Variants in DYNC2H1 observed in about 807,000 individuals in gnomAD.
DYNC2H1 encodes dynein cytoplasmic 2 heavy chain 1, also known as cytoplasmic dynein 2 heavy chain 1.
Under a neutral mutation model 570.0 loss-of-function variants are expected in DYNC2H1, and 410 were observed. The observed-to-expected ratio is 0.72, with a 90% CI of 0.66 to 0.78. The LOEUF is 0.78. Among genes scored for constraint, DYNC2H1 ranks in the 30% least tolerant of loss-of-function variants. DYNC2H1 has a pLI of 0.00. For missense variants in DYNC2H1, 4,865 were observed against 5,046.4 expected (o/e 0.96, Z 1.09); for synonymous variants, 1,688 against 1,677.6 (o/e 1.01, Z -0.15).
At chr11:103,368,505 G>A (rs1565533232) in intron 83 of DYNC2H1, among the ~76,000 whole-genome samples, 1 of 151,826 alleles carries the variant, frequency 6.6e-6, no homozygotes, top group Non-Finnish European at 1.5e-5. Flanking sequence ...CTAATTAGAT[G>A]TATTGTTTGC....
chr11:103,192,200 T>C lies in DYNC2H1; in HGVS notation c.7644T>C (p.Phe2548=). The change falls in exon 47 of 89, where the codon TTT becomes TTC. Residue 2548 remains phenylalanine (F), a synonymous_variant. Coordinates refer to ENST00000375735, the MANE Select transcript of DYNC2H1 (RefSeq NM_001377.3). ...TTGGTGCAAAGGAACTTCATTTATT[T>C]GACATCATTTTAACATCAGTGTTTC... is the stretch of plus-strand genomic sequence containing the variant. ...KIVGAKELHL[F]DIILTSVFQG... 1 of 1,589,798 alleles carries C rather than the reference T, an allele frequency of 6.3e-7. No individual in the cohort carries two copies. Among genetic ancestry groups the C allele is most frequent in the Non-Finnish European group, 8.6e-7 (1 of 1,165,142 alleles).
At chr11:103,376,286 C>G (rs1325303445) in intron 83 of DYNC2H1, among the ~76,000 whole-genome samples, 1 of 152,162 alleles carries the variant, frequency 6.6e-6, no homozygotes, top group Non-Finnish European at 1.5e-5. Flanking sequence ...TGAGAACAGA[C>G]TAATACAGAG....
Position 103,181,980 on chromosome 11 carries a change from GA to G in DYNC2H1, c.6477+96del, listed in dbSNP as rs555273878. On this transcript the variant is annotated intron_variant, in intron 40 of 88. Transcript: ENST00000375735. The surrounding 1 kb of genome is among the most constrained non-coding windows in gnomAD (Gnocchi z 5.0). ...ACTTCCTTGTGGTAGAACTCTGCTG[GA>G]ATGTGGGTGTGAGGTGAGAGGTGGA... is the stretch of plus-strand genomic sequence containing the variant. 136 of 1,387,398 alleles carry G rather than the reference GA, an allele frequency of 9.8e-5. 1 individual carries two copies. In the East Asian group the frequency reaches 3.1e-3, roughly 31 times the overall value. The allele number at this position is 1,387,398 out of a possible 1,614,324, so 85.9% of individuals were successfully genotyped here. A position where few individuals can be genotyped will look rare whatever the true frequency, so the allele number is the denominator to read the frequency against.
At chr11:103,134,256 C>G in intron 14 of DYNC2H1, 65 bp from the exon 15 acceptor site, 7 of 1,426,108 alleles carry the variant, frequency 4.9e-6, no homozygotes, top group Non-Finnish European at 6.9e-6. Flanking sequence ...TGTCAGGTTT[C>G]TCCACTGAAA....
At chr11:103,114,511 G>T (rs1858276694) in intron 3 of DYNC2H1, among the ~76,000 whole-genome samples, 1 of 152,136 alleles carries the variant, frequency 6.6e-6, no homozygotes, top group Non-Finnish European at 1.5e-5. Flanking sequence ...GTAGAGATGG[G>T]GTCTTGCTGT....
At chr11:103,240,925 T>G (rs1303207048) in intron 63 of DYNC2H1, among the ~76,000 whole-genome samples, 3 of 152,138 alleles carry the variant, frequency 2.0e-5, no homozygotes, top group African/African-American at 7.2e-5. Flanking sequence ...ATGCATCACC[T>G]TTTCCCATAT....
rs369188420 is a variant in DYNC2H1, at chr11:103,156,780, A to G, written c.4127+10A>G. 6.1e-5 allele frequency: 98 copies of G among 1,596,550 alleles called. No homozygotes were observed. Among genetic ancestry groups the G allele is most frequent in the Non-Finnish European group, 7.7e-5 (90 of 1,176,280 alleles). ...TTGATGAAGATTTTAGGTCAGTACA[A>G]TGATGTAAGACATAGACACATATGG... On this transcript the variant is annotated intron_variant, in intron 26 of 88. Coordinates refer to ENST00000375735, the MANE Select transcript of DYNC2H1 (RefSeq NM_001377.3).
chr11:103,388,911 TTTA>T (rs1166222270), intron 83 of DYNC2H1, among the ~76,000 whole-genome samples: 1 of 152,202 alleles, frequency 6.6e-6, no homozygotes, highest in African/African-American at 2.4e-5. Context: ...TTGCCAGTAT[TTTA>T]TTGAGGATTT....
chr11:103,353,126 A>G (rs929747915), intron 82 of DYNC2H1, among the ~76,000 whole-genome samples: 2 of 152,188 alleles, frequency 1.3e-5, no homozygotes, highest in Admixed American at 6.5e-5. Context: ...GGAGAGGAAC[A>G]ACACACACAG....
At chr11:103,233,121 A>G (rs1195064483) in intron 60 of DYNC2H1, among the ~76,000 whole-genome samples, 1 of 152,046 alleles carries the variant, frequency 6.6e-6, no homozygotes, top group Non-Finnish European at 1.5e-5. Flanking sequence ...ACAATGAAAT[A>G]TACTGTAAAG....
At chr11:103,349,959 G>A (rs1207179575) in intron 82 of DYNC2H1, among the ~76,000 whole-genome samples, 1 of 151,994 alleles carries the variant, frequency 6.6e-6, no homozygotes, top group East Asian at 1.9e-4. Context: ...CCTTTATCCT[G>A]CATATGTTAA....
intron 13 of DYNC2H1, among the ~76,000 whole-genome samples, chr11:103,132,822 G>T (rs972753951): frequency 5.3e-5 from 8 of 151,840 alleles, no homozygotes; most frequent in Admixed American, 2.6e-4. Flanking sequence ...GAGGCACCTT[G>T]TTGCCTCCAA....
At chr11:103,424,695 A>C (rs1260089298) in intron 84 of DYNC2H1, among the ~76,000 whole-genome samples, 2 of 122,812 alleles carry the variant, frequency 1.6e-5, no homozygotes, top group African/African-American at 3.6e-5. Context: ...ATGTTTAAAA[A>C]CTGGCTCTCC....
rs893018888 is a variant in DYNC2H1 at position 103,235,225 on chromosome 11, C to G, written c.9568-447C>G. On this transcript the variant is annotated intron_variant, in intron 61 of 88. Transcript: ENST00000375735. ...TTTCACAATCTGCCTTTAATTAGCT[C>G]TATCTCTCTTCTTTCCTTTAATATA... 3.3e-5 allele frequency among the ~76,000 whole-genome samples: 5 copies of G among 151,998 alleles called. No homozygotes were observed. The South Asian group carries it at 1.0e-3, about 32-fold the overall frequency.
At chr11:103,232,327 C>CT (rs957601264) in intron 60 of DYNC2H1, among the ~76,000 whole-genome samples, 6 of 151,780 alleles carry the variant, frequency 4.0e-5, no homozygotes, top group South Asian at 2.1e-4. Context: ...ATTATATAGT[C>CT]TTTTTTGTCT....
chr11:103,256,216 C>G lies in DYNC2H1; in HGVS notation c.10437C>G (p.Tyr3479Ter). ...TTCAAGAGTCACTTAAAGAATCTTA[C>G]AAACTCCAAATTTCCCTTGATCAAG... ...ALIQESLKESYKLQISLDQER... is the reference protein window; with the variant it reads ...ALIQESLKES Residue 3479 changes from tyrosine to a stop codon, truncating the protein, a stop_gained, in exon 68 of 89, where the codon TAC becomes TAG. Coordinates refer to ENST00000375735, the MANE Select transcript of DYNC2H1 (RefSeq NM_001377.3). LOFTEE classifies it high-confidence loss of function. This position sits in a 1 kb window ranked among gnomAD's most constrained non-coding sequence, Gnocchi z 4.0. The G allele has an allele frequency of 6.2e-7, 1 of 1,602,108 alleles. No individual in the cohort carries two copies. Among genetic ancestry groups the G allele is most frequent in the Non-Finnish European group, 8.5e-7 (1 of 1,175,462 alleles).
At position 103,321,217 on chromosome 11, in the gene DYNC2H1, C is replaced by A; in HGVS notation, c.11914C>A (p.Pro3972Thr). The change falls in exon 81 of 89, where the codon CCA (proline) becomes ACA (threonine). Residue 3972 changes from proline (P) to threonine (T), a missense_variant. This residue lies in a region of DYNC2H1 where 2,401 missense variants were observed against 2,454.6 expected (regional missense o/e 0.98). Transcript: ENST00000375735. ...CATTTTTCCATATTCCGTATCTCTA[C>A]CACAATCCTGCAGCATTTTGGTAGG... ...KSIFPYSVSL[P>T]QSCSILDYRA... 6.2e-7 allele frequency: 1 copy of A among 1,608,860 alleles called. No individual in the cohort carries two copies. The highest frequency in any genetic ancestry group is 8.5e-7 in the Non-Finnish European group (1 of 1,177,078).
rs7107221 is a variant in DYNC2H1, at chr11:103,348,023, G to A, written c.12040-10220G>A. 2.6e-3 allele frequency among the ~76,000 whole-genome samples: 400 copies of A among 152,256 alleles called. 4 individuals carry two copies. Among genetic ancestry groups the A allele is most frequent in the African/African-American group, 9.2e-3 (381 of 41,540 alleles). On this transcript the variant is annotated intron_variant, in intron 82 of 88. Transcript: ENST00000375735. ...AAAGATTAGACGGGGGAGGGATTGC[G>A]AAGTACTAAGAGGTAATTTTCGAGG...
intron 78 of DYNC2H1, among the ~76,000 whole-genome samples, chr11:103,311,021 C>T (rs938130413): frequency 6.6e-6 from 1 of 151,728 alleles, no homozygotes; most frequent in Non-Finnish European, 1.5e-5. Flanking sequence ...AGAAGAAGGT[C>T]GTTTTACTTA....
Sources: allele counts gnomAD v4.1 joint callset (sites outside exome capture counted in the v4.1 genomes callset), GRCh38; gene constraint gnomAD v4.1.1; regional missense constraint gnomAD v4.1.1; non-coding constraint Gnocchi (gnomAD v3.1); transcripts MANE v1.5; gene names NCBI Gene and HGNC (gene_info 2026-07-23, HGNC 2026-07-21).